SRFBP1: variants seen among roughly 807,000 people sequenced by gnomAD.
The protein encoded by SRFBP1 is serum response factor binding protein 1.
In SRFBP1, 47 loss-of-function variants were observed where a neutral mutation model predicts 45.5. That is an observed-to-expected ratio of 1.03 (90% CI 0.82 to 1.32). The LOEUF is 1.32. Among genes scored for constraint, SRFBP1 ranks in the 40% most tolerant of loss-of-function variants. SRFBP1 has a pLI of 0.00. For synonymous variants in SRFBP1, 203 were observed against 166.3 expected (o/e 1.22, Z -1.70); for missense variants, 621 against 484.6 (o/e 1.28, Z -2.64).
rs767376384 is a variant in SRFBP1 at position 122,020,498 on chromosome 5, G to T, written c.763G>T (p.Glu255Ter). The T allele has an allele frequency of 3.7e-6, 6 of 1,614,142 alleles. No individual in the cohort carries two copies. The highest frequency in any genetic ancestry group is 1.7e-5 in the Admixed American group (1 of 60,028). The change falls in exon 6 of 8, where the codon GAA (glutamate) becomes TAA (stop). Residue 255 changes from glutamate (E) to a stop codon, truncating the protein, a stop_gained. Transcript: ENST00000339397. LOFTEE classifies it high-confidence loss of function. ...GNSDGGEEFCEEEKEYFDDST... is the reference protein window; with the variant it reads ...GNSDGGEEFC ...CAGTGATGGCGGAGAAGAATTTTGTGAAGAGGAGAAGGAATATTTTGATGA... is the reference window on the plus strand; with the variant it reads ...CAGTGATGGCGGAGAAGAATTTTGTTAAGAGGAGAAGGAATATTTTGATGA...
At chr5:122,005,902 T>G (rs1456083056) in intron 4 of SRFBP1, among the ~76,000 whole-genome samples, 1 of 152,204 alleles carries the variant, frequency 6.6e-6, no homozygotes, top group African/African-American at 2.4e-5. Context: ...TAGTTTTGTC[T>G]TCTGATCTTC....
At chr5:122,036,236 C>G (rs1011619994) in intron 2 of SRFBP1, among the ~76,000 whole-genome samples, 2 of 152,084 alleles carry the variant, frequency 1.3e-5, no homozygotes, top group South Asian at 4.1e-4. Flanking sequence ...CTAGTTTTAT[C>G]TAAGTGATTT....
At chr5:122,053,966 C>T (rs943430744) in intron 2 of SRFBP1, among the ~76,000 whole-genome samples, 1 of 152,090 alleles carries the variant, frequency 6.6e-6, no homozygotes, top group Non-Finnish European at 1.5e-5. Context: ...CTTCAAGTGG[C>T]GGGGTAGTTG....
In SRFBP1 at chr5:122,050,180, A is replaced by T. The variant is rs568440063; in HGVS notation, n.312-25135A>T. Among the ~76,000 whole-genome samples the T allele has an allele frequency of 2.0e-5, 3 of 152,228 alleles. No homozygotes were observed. The South Asian group carries it at 6.2e-4, about 32-fold the overall frequency. Reference sequence around the variant, plus strand: ...CTTGAGGATTTTTCCATCTATGTTCATCAAGGATATTGGCCTGAAGTTTTC... The same window carrying T: ...CTTGAGGATTTTTCCATCTATGTTCTTCAAGGATATTGGCCTGAAGTTTTC... On this transcript the variant is annotated intron_variant and non_coding_transcript_variant, in intron 2 of 2. Coordinates refer to the SRFBP1 transcript ENST00000504881.
At chr5:122,032,008 AT>A (rs1738295553), downstream of SRFBP1, among the ~76,000 whole-genome samples, 1 of 152,194 alleles carries the variant, frequency 6.6e-6, no homozygotes, top group African/African-American at 2.4e-5. Context: ...TGAGTCTGAC[AT>A]TTACTTTTAG....
chr5:122,074,972 G>A (rs1754575249), intron 2 of SRFBP1, among the ~76,000 whole-genome samples: 1 of 152,332 alleles, frequency 6.6e-6, no homozygotes, highest in South Asian at 2.1e-4. Flanking sequence ...TTTAAAAGAT[G>A]GAAGAAGGTC....
At chr5:121,966,801 A>T (rs996736657) in intron 1 of SRFBP1, among the ~76,000 whole-genome samples, 1 of 149,632 alleles carries the variant, frequency 6.7e-6, no homozygotes, top group African/African-American at 2.5e-5. Flanking sequence ...TTTTTTTGAG[A>T]CGGAGTCTCG....
At chr5:122,022,551 A>C (rs1454340753) in intron 7 of SRFBP1, 144 bp downstream of exon 7, 1 of 628,902 alleles carries the variant, frequency 1.6e-6, no homozygotes. Flanking sequence ...TACAATTATC[A>C]ATATAATTTT....
chr5:122,015,108 T>C (rs1191126046), intron 4 of SRFBP1, among the ~76,000 whole-genome samples: 1 of 152,178 alleles, frequency 6.6e-6, no homozygotes, highest in African/African-American at 2.4e-5. Flanking sequence ...TCCTGGAATA[T>C]CTTCTTTTTT....
At chr5:122,020,023 T>C (rs567435899) in intron 5 of SRFBP1, 65 bp from the exon 6 acceptor site, 1 of 1,135,090 alleles carries the variant, frequency 8.8e-7, no homozygotes, top group South Asian at 1.7e-5. Context: ...TAAAATACTG[T>C]CCTAAAACAG....
intron 2 of SRFBP1, among the ~76,000 whole-genome samples, chr5:122,056,443 C>T (rs1040311123): frequency 2.0e-5 from 3 of 152,146 alleles, no homozygotes; most frequent in Non-Finnish European, 4.4e-5. Context: ...TAAATATCAG[C>T]CACTAATTCT....
intron 3 of SRFBP1, among the ~76,000 whole-genome samples, chr5:121,978,692 A>G (rs1388283766): frequency 6.6e-6 from 1 of 152,136 alleles, no homozygotes; most frequent in African/African-American, 2.4e-5. Context: ...AGGTGTTGCC[A>G]TGTTGGCCAG....
At chr5:122,069,151 T>G (rs1457777463) in intron 2 of SRFBP1, among the ~76,000 whole-genome samples, 1 of 152,178 alleles carries the variant, frequency 6.6e-6, no homozygotes, top group Non-Finnish European at 1.5e-5. Context: ...GTCCTGGGTT[T>G]TTGTATCAGG....
chr5:122,046,552 G>T (rs1160926416), intron 2 of SRFBP1, among the ~76,000 whole-genome samples: 1 of 152,138 alleles, frequency 6.6e-6, no homozygotes, highest in Non-Finnish European at 1.5e-5. Flanking sequence ...AATCCTTTGG[G>T]TATATACCCA....
chr5:122,075,570 A>G, exon 3 of SRFBP1: 2 of 1,460,266 alleles, frequency 1.4e-6, no homozygotes, highest in Non-Finnish European at 1.9e-6. Context: ...AAAAATTATT[A>G]TATTCATGGA....
intron 7 of SRFBP1, among the ~76,000 whole-genome samples, chr5:122,025,283 A>G (rs76132142): frequency 0.25 from 38,464 of 152,044 alleles, 6,046 homozygotes; most frequent in African/African-American, 0.45. Context: ...CCTACAAAGG[A>G]CATGAACTCA....
chr5:122,037,143 C>T (rs1266360491), intron 2 of SRFBP1, among the ~76,000 whole-genome samples: 1 of 152,136 alleles, frequency 6.6e-6, no homozygotes, highest in Non-Finnish European at 1.5e-5. Flanking sequence ...GGTGATCCGC[C>T]CGCCTTGGCC....
chr5:122,006,172 T>G (rs955646098), intron 4 of SRFBP1, among the ~76,000 whole-genome samples: 3 of 149,916 alleles, frequency 2.0e-5, no homozygotes, highest in African/African-American at 7.6e-5. Flanking sequence ...TACAGTATTC[T>G]TCATTGGCAT....
At chr5:122,054,608 G>A (rs1257930507) in intron 2 of SRFBP1, among the ~76,000 whole-genome samples, 1 of 152,054 alleles carries the variant, frequency 6.6e-6, no homozygotes, top group Non-Finnish European at 1.5e-5. Context: ...TTTGGCTCAT[G>A]GTTCATATTT....
Sources: allele counts gnomAD v4.1 joint callset (sites outside exome capture counted in the v4.1 genomes callset), GRCh38; gene constraint gnomAD v4.1.1; transcripts MANE v1.5; gene names NCBI Gene and HGNC (gene_info 2026-07-23, HGNC 2026-07-21).